PRKN: variants seen among roughly 807,000 people sequenced by gnomAD.
PRKN encodes the protein E3 ubiquitin-protein ligase parkin.
Under a neutral mutation model 59.5 loss-of-function variants are expected in PRKN, and 56 were observed. That is an observed-to-expected ratio of 0.94 (90% confidence interval 0.76 to 1.18). The LOEUF (loss-of-function observed/expected upper bound fraction) is 1.18. Among genes scored for constraint, PRKN ranks in the 50% most tolerant of loss-of-function variants. The probability of loss-of-function intolerance (pLI) is 0.00; values close to 1 mark genes in which losing one functional copy is unlikely to be tolerated. For synonymous variants in PRKN, 250 were observed against 222.1 expected, an observed-to-expected ratio of 1.13 and a Z score of -1.12; for missense variants, 657 against 596.4, an observed-to-expected ratio of 1.10 and a Z score of -1.06.
intron 2 of PRKN, among the ~76,000 whole-genome samples, chr6:162,337,341 G>T (rs1583402809): frequency 6.6e-6 from 1 of 152,196 alleles, no homozygotes; most frequent in Non-Finnish European, 1.5e-5. Context: ...TTTAATATTT[G>T]CATAAATATT....
At chr6:161,519,233 T>C (rs1583181911) in intron 9 of PRKN, among the ~76,000 whole-genome samples, 1 of 152,056 alleles carries the variant, frequency 6.6e-6, no homozygotes, top group Admixed American at 6.5e-5. Flanking sequence ...CTGTTCAAGG[T>C]TCCCCTCTGA....
chr6:161,589,731 T>C (rs946919856), intron 7 of PRKN, among the ~76,000 whole-genome samples: 2 of 152,080 alleles, frequency 1.3e-5, no homozygotes, highest in Non-Finnish European at 2.9e-5. Context: ...GCACATGTTT[T>C]TTGTTGAATT....
chr6:162,587,792 A>C (rs1781123997), intron 1 of PRKN, among the ~76,000 whole-genome samples: 5 of 152,166 alleles, frequency 3.3e-5, no homozygotes, highest in Admixed American at 2.6e-4. Context: ...CTCATAAAGA[A>C]GCACAGAAAG....
intron 1 of PRKN, among the ~76,000 whole-genome samples, chr6:162,597,256 T>C (rs1345661347): frequency 6.6e-6 from 1 of 152,114 alleles, no homozygotes; most frequent in Non-Finnish European, 1.5e-5. Context: ...TGGAAAAAAA[T>C]AAACAGGGCT....
chr6:162,406,064 A>T (rs1788053684), intron 2 of PRKN, among the ~76,000 whole-genome samples: 1 of 152,174 alleles, frequency 6.6e-6, no homozygotes, highest in Admixed American at 6.5e-5. Context: ...ATTTTTCCCT[A>T]GGTATGATTT....
intron 5 of PRKN, among the ~76,000 whole-genome samples, chr6:161,986,134 A>G (rs1781427594): frequency 6.6e-6 from 1 of 152,174 alleles, no homozygotes; most frequent in Non-Finnish European, 1.5e-5. Flanking sequence ...ATGACCCAGA[A>G]GTTACTACTC....
At chr6:162,720,272 T>C (rs1778883495) in intron 1 of PRKN, among the ~76,000 whole-genome samples, 1 of 152,014 alleles carries the variant, frequency 6.6e-6, no homozygotes, top group Non-Finnish European at 1.5e-5. Flanking sequence ...ATGTGCAAAA[T>C]GGGTGAGGCT....
intron 7 of PRKN, among the ~76,000 whole-genome samples, chr6:161,734,854 T>C (rs1165811328): frequency 6.6e-6 from 1 of 152,154 alleles, no homozygotes; most frequent in Non-Finnish European, 1.5e-5. Flanking sequence ...CATTTGCCTA[T>C]ATCACAATGA....
Position 161,401,621 on chromosome 6 carries a change from CA to C in PRKN, c.1084-14745del. ...AGAGCAAGATTCTGTCCCCACTCCC[CA>C]CCAAAAAAAAAAAATTAGAGTACTG... On this transcript the variant is annotated intron_variant, in intron 9 of 11. Transcript: ENST00000366898. The surrounding 1 kb of genome is among the most constrained non-coding windows in gnomAD (Gnocchi z 4.4). 7.4e-6 allele frequency among the ~76,000 whole-genome samples: 1 copy of C among 135,740 alleles called. No homozygotes were observed. The allele number at this position is 135,740 out of a possible 152,430, so 89.1% of individuals were successfully genotyped here. A position where few individuals can be genotyped will look rare whatever the true frequency, so the allele number is the denominator to read the frequency against.
intron 3 of PRKN, among the ~76,000 whole-genome samples, chr6:162,222,323 C>A (rs1777971903): frequency 6.6e-6 from 1 of 152,206 alleles, no homozygotes; most frequent in Non-Finnish European, 1.5e-5. Context: ...AAAGGAGATA[C>A]CCTGGGTCGG....
intron 6 of PRKN, among the ~76,000 whole-genome samples, chr6:161,819,555 C>T (rs772012595): frequency 2.6e-5 from 4 of 152,102 alleles, no homozygotes; most frequent in Non-Finnish European, 4.4e-5. Context: ...TTATGTTAAA[C>T]TCCTAAATGT....
rs1460442067 is a variant in PRKN, at chr6:161,388,614, A to C, written c.1084-1737T>G. Among the ~76,000 whole-genome samples the C allele has an allele frequency of 6.6e-6, 1 of 152,226 alleles. No homozygotes were observed. The highest frequency in any genetic ancestry group is 6.5e-5 in the Admixed American group (1 of 15,288). On this transcript the variant is annotated intron_variant, in intron 9 of 11. Coordinates refer to ENST00000366898, the MANE Select transcript of PRKN (RefSeq NM_004562.3). This position sits in a 1 kb window ranked among gnomAD's most constrained non-coding sequence, Gnocchi z 4.3. Reference sequence around the variant, plus strand: ...CTTTATGTCTCTTCTGCTGACAGCCAGATGTGTTGAGTACTTGACTCCTAG... The same window carrying C: ...CTTTATGTCTCTTCTGCTGACAGCCCGATGTGTTGAGTACTTGACTCCTAG...
chr6:162,381,242 C>A (rs1453215438), intron 2 of PRKN, among the ~76,000 whole-genome samples: 1 of 152,118 alleles, frequency 6.6e-6, no homozygotes, highest in Non-Finnish European at 1.5e-5. Flanking sequence ...CCGTCACATC[C>A]TCATAGCATG....
At chr6:162,033,680 AATT>A (rs1783727029) in intron 5 of PRKN, among the ~76,000 whole-genome samples, 1 of 152,156 alleles carries the variant, frequency 6.6e-6, no homozygotes, top group African/African-American at 2.4e-5. Flanking sequence ...ATGATTTTTT[AATT>A]AATTAGCTTT....
At chr6:162,570,839 A>C (rs1226118349) in intron 1 of PRKN, among the ~76,000 whole-genome samples, 1 of 152,178 alleles carries the variant, frequency 6.6e-6, no homozygotes, top group East Asian at 1.9e-4. Flanking sequence ...TGGGAGGGAA[A>C]AAAATAGAAT....
At chr6:162,145,777 C>T (rs1781998508) in intron 4 of PRKN, among the ~76,000 whole-genome samples, 1 of 152,136 alleles carries the variant, frequency 6.6e-6, no homozygotes, top group Non-Finnish European at 1.5e-5. Context: ...AGAAAGCAAC[C>T]AATCAGGCTG....
Position 162,262,775 on chromosome 6 carries a change from AGCAAGGT to A in PRKN, c.172-17_172-11del. On this transcript the variant is annotated splice_polypyrimidine_tract_variant and intron_variant, in intron 2 of 11. Coordinates refer to ENST00000366898, the MANE Select transcript of PRKN (RefSeq NM_004562.3). The stretch of plus-strand genomic sequence containing the variant: ...GATCCAGGTCACAATTCTGTTTGGG[AGCAAGGT>A]AAAAAAAAAAAAAAAAAAAAAGGAA... 2 of 1,480,810 alleles carry A rather than the reference AGCAAGGT, an allele frequency of 1.4e-6. No individual in the cohort carries two copies. Among genetic ancestry groups the A allele is most frequent in the Non-Finnish European group, 9.3e-7 (1 of 1,079,152 alleles). 91.7% of individuals were successfully genotyped at this position (1,480,810 alleles called of 1,614,324 possible).
chr6:162,312,252 T>C (rs1025679387), intron 2 of PRKN, among the ~76,000 whole-genome samples: 1 of 152,148 alleles, frequency 6.6e-6, no homozygotes, highest in Non-Finnish European at 1.5e-5. Flanking sequence ...AGGACTGTCA[T>C]TTGGCTTTTC....
At chr6:162,154,474 T>C (rs1782414649) in intron 4 of PRKN, among the ~76,000 whole-genome samples, 1 of 146,076 alleles carries the variant, frequency 6.8e-6, no homozygotes, top group Admixed American at 6.9e-5. Flanking sequence ...TGTTAGTAGA[T>C]CAAGAAAATA....
Sources: gnomAD v4.1 joint callset for allele counts (sites outside exome capture counted in the v4.1 genomes callset) on GRCh38, gnomAD v4.1.1 for gene constraint, Gnocchi (gnomAD v3.1) non-coding constraint, MANE v1.5 for transcripts, NCBI Gene and HGNC (gene_info 2026-07-23, HGNC 2026-07-21) for gene names.